Variants in RIMS2 observed in about 807,000 individuals in gnomAD.
RIMS2 encodes regulating synaptic membrane exocytosis 2.
A neutral mutation model predicts 174.4 loss-of-function variants in RIMS2; 59 were observed. The observed-to-expected ratio is 0.34, with a 90% CI of 0.27 to 0.42. The LOEUF is 0.42. Ranked by LOEUF, RIMS2 falls within the 10% of genes least tolerant of loss-of-function variation. The pLI, the probability that RIMS2 is intolerant of heterozygous loss-of-function variation, is 1.00. For missense variants in RIMS2, 1,620 were observed against 1,666.3 expected, an observed-to-expected ratio of 0.97 and a Z score of 0.48; for synonymous variants, 606 against 572.5, an observed-to-expected ratio of 1.06 and a Z score of -0.84.
chr8:103,983,157 A>G (rs2094055853), intron 16 of RIMS2, among the ~76,000 whole-genome samples: 1 of 152,252 alleles, frequency 6.6e-6, no homozygotes, highest in Non-Finnish European at 1.5e-5. Context: ...AATCACAAAT[A>G]AAATTAAATA....
chr8:103,758,846 GA>G (rs1301673134), intron 2 of RIMS2, among the ~76,000 whole-genome samples: 3 of 152,132 alleles, frequency 2.0e-5, no homozygotes, highest in Non-Finnish European at 4.4e-5. Context: ...TAGAGTTTGG[GA>G]AAAGTAATAG....
At chr8:103,613,245 C>A (rs894624937) in intron 1 of RIMS2, among the ~76,000 whole-genome samples, 1 of 152,182 alleles carries the variant, frequency 6.6e-6, no homozygotes, top group African/African-American at 2.4e-5. Flanking sequence ...TAAGGTGACA[C>A]TTAAACCACA....
At chr8:103,858,475 C>T (rs1271530134) in intron 3 of RIMS2, among the ~76,000 whole-genome samples, 2 of 151,734 alleles carry the variant, frequency 1.3e-5, no homozygotes, top group African/African-American at 2.4e-5. Context: ...TTAAGGAGGA[C>T]CTTAGCAAAG....
chr8:103,876,744 C>T (rs1332925905), intron 3 of RIMS2, among the ~76,000 whole-genome samples: 2 of 150,386 alleles, frequency 1.3e-5, no homozygotes, highest in Admixed American at 6.7e-5. Context: ...GCTCCAATCC[C>T]ATCCAGGTTG....
At chr8:103,997,912 A>G (rs1163268934) in intron 17 of RIMS2, among the ~76,000 whole-genome samples, 1 of 146,470 alleles carries the variant, frequency 6.8e-6, no homozygotes, top group African/African-American at 2.4e-5. Flanking sequence ...TCTATCATAT[A>G]ACATTCTAGG....
rs188705890 is a variant in RIMS2, at chr8:104,148,362, A to G, written c.3335-96554A>G. On this transcript the variant is annotated intron_variant, in intron 19 of 23. Coordinates refer to ENST00000504942, the Ensembl canonical transcript of RIMS2. The stretch of plus-strand genomic sequence containing the variant: ...ATGAATTTTTTTCCTGTGATCATGC[A>G]AATTTGCACCTTGTCTTTGACAGCA... Among the ~76,000 whole-genome samples the G allele has an allele frequency of 3.2e-3, 494 of 152,226 alleles. 4 individuals are homozygous for G. Among genetic ancestry groups the G allele is most frequent in the African/African-American group, 0.011 (457 of 41,544 alleles).
At chr8:104,048,700 A>AT (rs34632761) in intron 19 of RIMS2, among the ~76,000 whole-genome samples, 38 of 151,058 alleles carry the variant, frequency 2.5e-4, no homozygotes, top group African/African-American at 8.1e-4. Context: ...TAAATGAAGA[A>AT]TTTTTTTGAC....
chr8:104,126,281 G>GT (rs2098428803), intron 19 of RIMS2, among the ~76,000 whole-genome samples: 7 of 152,252 alleles, frequency 4.6e-5, no homozygotes, highest in Admixed American at 3.3e-4. Context: ...TGGAAAAATA[G>GT]TTTTTTTACT....
At chr8:103,847,769 A>G (rs2154491427) in intron 3 of RIMS2, among the ~76,000 whole-genome samples, 1 of 152,200 alleles carries the variant, frequency 6.6e-6, no homozygotes, top group South Asian at 2.1e-4. Context: ...TGTGATTGAC[A>G]GATGAGGCAT....
intron 3 of RIMS2, among the ~76,000 whole-genome samples, chr8:103,792,395 C>T (rs1263983044): frequency 6.6e-6 from 1 of 152,090 alleles, no homozygotes. Context: ...AACAATGTAC[C>T]AGAATCTCTG....
At chr8:104,122,492 A>G (rs1209401338) in intron 19 of RIMS2, among the ~76,000 whole-genome samples, 1 of 152,156 alleles carries the variant, frequency 6.6e-6, no homozygotes, top group Non-Finnish European at 1.5e-5. Context: ...AAAGAAAGAA[A>G]TAGCAATGAC....
intron 19 of RIMS2, among the ~76,000 whole-genome samples, chr8:104,208,866 T>A (rs2099092972): frequency 6.6e-6 from 1 of 152,108 alleles, no homozygotes; most frequent in Non-Finnish European, 1.5e-5. Context: ...GACCCGAAAT[T>A]CCATGAACTT....
Position 103,912,090 on chromosome 8 carries a change from G to A in RIMS2, c.1730G>A (p.Arg577His), listed in dbSNP as rs201351103. The stretch of plus-strand genomic sequence containing the variant: ...TGGCAACCATCTAAAGATGGAGATC[G>A]TTTAATTGGTCGCATTTTATTAAAT... Residue 577 changes from arginine to histidine, a missense_variant, in exon 6 of 24, where the codon CGT becomes CAT. Transcript: ENST00000504942. 1.3e-4 allele frequency: 206 copies of A among 1,603,810 alleles called. 1 individual carries two copies. Among genetic ancestry groups the A allele is most frequent in the Admixed American group, 4.2e-4 (25 of 59,814 alleles).
intron 3 of RIMS2, among the ~76,000 whole-genome samples, chr8:103,827,045 C>T (rs891539239): frequency 1.1e-4 from 17 of 151,922 alleles, no homozygotes; most frequent in African/African-American, 2.9e-4. Context: ...TCTCGGATTG[C>T]GATGTATTTT....
intron 2 of RIMS2, among the ~76,000 whole-genome samples, chr8:103,749,117 T>A (rs2097855126): frequency 6.9e-6 from 1 of 145,048 alleles, no homozygotes; most frequent in African/African-American, 2.6e-5. Context: ...TCTATTTTTT[T>A]TTTTTCTTTT....
At chr8:103,944,535 G>A (rs76490388) in intron 14 of RIMS2, among the ~76,000 whole-genome samples, 9,664 of 151,962 alleles carry the variant, frequency 0.064, 391 homozygotes, top group Middle Eastern at 0.1. Context: ...TACCTGAAAC[G>A]CTTAAATCTA....
chr8:104,074,211 A>G (rs1242905456), intron 19 of RIMS2, among the ~76,000 whole-genome samples: 1 of 152,198 alleles, frequency 6.6e-6, no homozygotes, highest in Non-Finnish European at 1.5e-5. Context: ...TAAGTCTCAA[A>G]TATCATCAGA....
At chr8:103,569,880 G>A (rs1196284429) in intron 1 of RIMS2, among the ~76,000 whole-genome samples, 1 of 151,132 alleles carries the variant, frequency 6.6e-6, no homozygotes, top group Non-Finnish European at 1.5e-5. Context: ...CAGTCCTACT[G>A]CCTCAGCTTC....
In RIMS2 at chr8:103,892,146, A is replaced by T; in HGVS notation, c.1624+5923A>T. Among the ~76,000 whole-genome samples the T allele has an allele frequency of 1.3e-5, 2 of 152,002 alleles. 1 individual carries two copies. Among genetic ancestry groups the T allele is most frequent in the Admixed American group, 1.3e-4 (2 of 15,246 alleles). Reference sequence around the variant, plus strand: ...GAATTCTAAACCAATTGGACTCAAAAATTTTTAGGACAAATTCTAATAATA... The same window carrying T: ...GAATTCTAAACCAATTGGACTCAAATATTTTTAGGACAAATTCTAATAATA... On this transcript the variant is annotated intron_variant, in intron 4 of 23. Transcript: ENST00000504942.
Sources: gnomAD v4.1 joint callset for allele counts (sites outside exome capture counted in the v4.1 genomes callset) on GRCh38, gnomAD v4.1.1 for gene constraint, MANE v1.5 for transcripts, NCBI Gene and HGNC (gene_info 2026-07-23, HGNC 2026-07-21) for gene names.